NBEA: variants seen among roughly 807,000 people sequenced by gnomAD.
NBEA encodes neurobeachin, also known as lysosomal-trafficking regulator 2.
Under a neutral mutation model 343.4 loss-of-function variants are expected in NBEA, and 44 were observed. The ratio of observed to expected loss-of-function variants is 0.13; its 90% confidence interval spans 0.10 to 0.16. The LOEUF is 0.16. NBEA is among the 10% of genes least tolerant of loss of function. NBEA has a pLI of 1.00. For synonymous variants in NBEA, 1,175 were observed against 1,238.7 expected, an observed-to-expected ratio of 0.95 and a Z score of 1.08; for missense variants, 2,555 against 3,631.3, an observed-to-expected ratio of 0.70 and a Z score of 7.62.
At chr13:35,440,638 G>A (rs1293083390) in intron 39 of NBEA, among the ~76,000 whole-genome samples, 2 of 152,178 alleles carry the variant, frequency 1.3e-5, no homozygotes, top group African/African-American at 4.8e-5. Context: ...ACAGGATAGT[G>A]TGGGGAAATG....
chr13:34,977,279 T>C (rs1042042511), intron 1 of NBEA, among the ~76,000 whole-genome samples: 10 of 151,862 alleles, frequency 6.6e-5, no homozygotes, highest in African/African-American at 2.4e-4. Flanking sequence ...GTGTAAATAC[T>C]GAATATAAAT....
rs73490334 is a variant in NBEA, at chr13:34,961,485, C to T, written c.294+18371C>T. Among the ~76,000 whole-genome samples the T allele has an allele frequency of 6.4e-3, 970 of 152,062 alleles. 10 individuals carry two copies. The highest frequency in any genetic ancestry group is 0.022 in the African/African-American group (924 of 41,480). ...CTCTGTGGCTTCCCCTCCTCCTGCA[C>T]GCACCCCCATATAAATACCAGTCTA... On this transcript the variant is annotated intron_variant, in intron 1 of 58. Coordinates refer to ENST00000379939, the MANE Select transcript of NBEA (RefSeq NM_001385012.1).
chr13:35,240,568 A>G (rs1156760410), intron 34 of NBEA, among the ~76,000 whole-genome samples: 4 of 151,956 alleles, frequency 2.6e-5, no homozygotes, highest in African/African-American at 9.7e-5. Flanking sequence ...ACTGGAGGAA[A>G]TTCTGCAATA....
chr13:35,594,957 A>ACT (rs1245325966), intron 47 of NBEA, among the ~76,000 whole-genome samples: 8 of 149,222 alleles, frequency 5.4e-5, no homozygotes, highest in Non-Finnish European at 1.2e-4. Flanking sequence ...TCACACACAC[A>ACT]CACACACACA....
At chr13:35,107,607 A>T (rs73498500) in intron 11 of NBEA, among the ~76,000 whole-genome samples, 16,495 of 151,964 alleles carry the variant, frequency 0.11, 1,085 homozygotes, top group African/African-American at 0.17. Flanking sequence ...TTATTTTATT[A>T]ACTATGTGTT....
intron 46 of NBEA, among the ~76,000 whole-genome samples, chr13:35,591,368 A>G (rs949407821): frequency 2.6e-5 from 4 of 152,100 alleles, no homozygotes; most frequent in Non-Finnish European, 5.9e-5. Context: ...CTTATTTTTA[A>G]TAGTGAATTA....
chr13:35,202,870 T>G (rs1323307206), intron 31 of NBEA, among the ~76,000 whole-genome samples: 1 of 152,192 alleles, frequency 6.6e-6, no homozygotes, highest in Non-Finnish European at 1.5e-5. Context: ...CAACTTGTCC[T>G]TTCTGTTACT....
At chr13:35,404,084 TAAATC>T (rs2043135668) in intron 38 of NBEA, among the ~76,000 whole-genome samples, 1 of 152,144 alleles carries the variant, frequency 6.6e-6, no homozygotes, top group Non-Finnish European at 1.5e-5. Flanking sequence ...TGGCGATCAT[TAAATC>T]AAGTCAGGAA....
intron 36 of NBEA, among the ~76,000 whole-genome samples, chr13:35,319,573 A>G (rs2037992365): frequency 6.6e-6 from 1 of 152,142 alleles, no homozygotes; most frequent in Admixed American, 6.5e-5. Context: ...TATTCTATTC[A>G]TTTGGGTTGG....
At chr13:35,041,576 C>T (rs925776050) in intron 2 of NBEA, among the ~76,000 whole-genome samples, 4 of 151,908 alleles carry the variant, frequency 2.6e-5, no homozygotes, top group Admixed American at 6.6e-5. Flanking sequence ...ATATATGCAA[C>T]TATGACAGGA....
intron 44 of NBEA, among the ~76,000 whole-genome samples, chr13:35,565,859 G>A (rs1274671192): frequency 2.0e-5 from 3 of 151,986 alleles, no homozygotes; most frequent in East Asian, 1.9e-4. Context: ...GCAGTTCTTC[G>A]CTAAAGTGAA....
intron 52 of NBEA, among the ~76,000 whole-genome samples, chr13:35,650,112 A>G (rs1423967259): frequency 2.6e-5 from 4 of 152,330 alleles, no homozygotes; most frequent in African/African-American, 7.2e-5. Flanking sequence ...CCAATAATTC[A>G]GGTTCTCCTA....
rs142317892 is a variant in NBEA, at chr13:35,408,832, T to C, written c.6180-23437T>C. ...CACACCCGTCAGAATATGGCTATAA[T>C]TAAAAAGTCAAAAACAACAGATGCT... On this transcript the variant is annotated intron_variant, in intron 38 of 58. Transcript: ENST00000379939. Among the ~76,000 whole-genome samples, 32 of 152,106 alleles carry C rather than the reference T, an allele frequency of 2.1e-4. 1 individual carries two copies. In the South Asian group the frequency reaches 6.4e-3, roughly 31 times the overall value.
At chr13:35,388,269 G>A (rs2042344405) in intron 38 of NBEA, among the ~76,000 whole-genome samples, 1 of 152,106 alleles carries the variant, frequency 6.6e-6, no homozygotes, top group African/African-American at 2.4e-5. Flanking sequence ...GCAAAAATAG[G>A]AATTTATTTA....
intron 33 of NBEA, among the ~76,000 whole-genome samples, chr13:35,227,740 A>G (rs1173676817): frequency 6.6e-6 from 1 of 152,056 alleles, no homozygotes; most frequent in Non-Finnish European, 1.5e-5. Context: ...GAGAATACAA[A>G]AAGTAAATAA....
chr13:35,539,667 A>G (rs2078718620), intron 41 of NBEA, among the ~76,000 whole-genome samples: 1 of 79,358 alleles, frequency 1.3e-5, no homozygotes, highest in Admixed American at 1.5e-4. Flanking sequence ...CTGTAATACC[A>G]GCACTTTGGG....
At chr13:35,448,872 G>T (rs1167448545) in intron 39 of NBEA, among the ~76,000 whole-genome samples, 1 of 152,170 alleles carries the variant, frequency 6.6e-6, no homozygotes, top group African/African-American at 2.4e-5. Context: ...CACATAGTAG[G>T]TAACACCTAT....
chr13:35,053,353 T>G (rs1481866569), intron 6 of NBEA, among the ~76,000 whole-genome samples: 2 of 152,100 alleles, frequency 1.3e-5, no homozygotes. Flanking sequence ...TGTATTAAGA[T>G]TCTGCCTGGA....
intron 49 of NBEA, among the ~76,000 whole-genome samples, chr13:35,631,345 C>A (rs1338943069): frequency 6.6e-6 from 1 of 152,052 alleles, no homozygotes; most frequent in Non-Finnish European, 1.5e-5. Context: ...TGTGTTGCGA[C>A]TTGAGAGAGT....
Sources: gnomAD v4.1 joint callset for allele counts (sites outside exome capture counted in the v4.1 genomes callset) on GRCh38, gnomAD v4.1.1 for gene constraint, MANE v1.5 for transcripts, NCBI Gene and HGNC (gene_info 2026-07-23, HGNC 2026-07-21) for gene names.